CTNND2: variants seen among roughly 807,000 people sequenced by gnomAD.
The protein encoded by CTNND2 is catenin delta 2.
A neutral mutation model predicts 144.4 loss-of-function variants in CTNND2; 22 were observed. The observed-to-expected ratio is 0.15, with a 90% CI of 0.11 to 0.22. The LOEUF is 0.22. CTNND2 is among the 10% of genes least tolerant of loss of function. CTNND2 has a pLI of 1.00. For synonymous variants in CTNND2, 751 were observed against 695.6 expected, an observed-to-expected ratio of 1.08 and a Z score of -1.25; for missense variants, 1,353 against 1,618.8, an observed-to-expected ratio of 0.84 and a Z score of 2.82.
chr5:11,050,286 G>A (rs1246514267), intron 16 of CTNND2, among the ~76,000 whole-genome samples: 2 of 152,164 alleles, frequency 1.3e-5, no homozygotes, highest in South Asian at 2.1e-4. Flanking sequence ...TCAGGTCCCA[G>A]TGAAAAGAGG....
intron 1 of CTNND2, among the ~76,000 whole-genome samples, chr5:11,775,524 T>C (rs893402164): frequency 6.6e-6 from 1 of 152,220 alleles, no homozygotes; most frequent in Non-Finnish European, 1.5e-5. Context: ...TCACTTTATC[T>C]TGTCAAGGAT....
chr5:11,674,595 G>A (rs143688028), intron 2 of CTNND2, among the ~76,000 whole-genome samples: 3 of 152,340 alleles, frequency 2.0e-5, no homozygotes, highest in African/African-American at 7.2e-5. Flanking sequence ...TTGAAGAAAC[G>A]TATAACAACA....
At chr5:11,890,219 C>T (rs1736852209) in intron 1 of CTNND2, among the ~76,000 whole-genome samples, 1 of 152,110 alleles carries the variant, frequency 6.6e-6, no homozygotes, top group Non-Finnish European at 1.5e-5. Flanking sequence ...AGTTCTATTT[C>T]TTGGTTCTAT....
intron 3 of CTNND2, among the ~76,000 whole-genome samples, chr5:11,548,997 C>G (rs1014793745): frequency 6.6e-6 from 1 of 152,170 alleles, no homozygotes; most frequent in Non-Finnish European, 1.5e-5. Context: ...ATCCCTACCC[C>G]AAAAGGTAGT....
intron 11 of CTNND2, among the ~76,000 whole-genome samples, chr5:11,164,481 C>T (rs1359193139): frequency 6.6e-6 from 1 of 152,118 alleles, no homozygotes; most frequent in Non-Finnish European, 1.5e-5. Context: ...ATATTAAGGA[C>T]CTAGTACATG....
rs1365483923 is a variant in CTNND2 at position 11,384,829 on chromosome 5, T to C, written c.1013A>G (p.Gln338Arg). ...GATGGGCGAGGAGGAGATGGTGGAC[T>C]GCACGGTGGGGGGCGAGGTCACGCG... is the stretch of plus-strand genomic sequence containing the variant. ...PIRVTSPPTV[Q>R]STISSSPIHQ... is the part of the protein sequence containing the mutation. The change falls in exon 7 of 22, where the codon CAG becomes CGG. Residue 338 changes from glutamine to arginine, a missense_variant. Physicochemically the swap from Gln to Arg is conservative, Grantham distance 43 (BLOSUM62 1). This residue lies in a region of CTNND2 where 708 missense variants were observed against 706.4 expected (regional missense o/e 1.00). Coordinates refer to ENST00000304623, the MANE Select transcript of CTNND2 (RefSeq NM_001332.4). This position sits in a 1 kb window ranked among gnomAD's most constrained non-coding sequence, Gnocchi z 5.2. 2.5e-6 allele frequency: 4 copies of C among 1,613,050 alleles called. No homozygotes were observed. Among genetic ancestry groups the C allele is most frequent in the Non-Finnish European group, 3.4e-6 (4 of 1,179,646 alleles).
At chr5:11,888,525 G>C (rs1736725103) in intron 1 of CTNND2, among the ~76,000 whole-genome samples, 1 of 152,072 alleles carries the variant, frequency 6.6e-6, no homozygotes, top group South Asian at 2.1e-4. Context: ...TCTCTTATTT[G>C]TCAAGCCACC....
chr5:11,328,337 A>G (rs1364634283), intron 9 of CTNND2, among the ~76,000 whole-genome samples: 1 of 150,786 alleles, frequency 6.6e-6, no homozygotes, highest in African/African-American at 2.4e-5. Flanking sequence ...CTGTTGCCCA[A>G]GCTGGAGTGC....
intron 3 of CTNND2, among the ~76,000 whole-genome samples, chr5:11,543,605 T>C (rs534273293): frequency 6.6e-6 from 1 of 150,934 alleles, no homozygotes; most frequent in South Asian, 2.1e-4. Flanking sequence ...GTGAATTGCA[T>C]GGCATATACA....
intron 2 of CTNND2, among the ~76,000 whole-genome samples, chr5:11,661,986 TAC>T (rs760846897): frequency 4.6e-5 from 7 of 150,674 alleles, no homozygotes; most frequent in Admixed American, 6.6e-5. Context: ...CATGTATATA[TAC>T]ACACACACAC....
chr5:11,773,887 A>AT (rs1790092615), intron 1 of CTNND2, among the ~76,000 whole-genome samples: 1 of 151,532 alleles, frequency 6.6e-6, no homozygotes, highest in Non-Finnish European at 1.5e-5. Flanking sequence ...ATCATCATGT[A>AT]TTAATAGAAG....
chr5:11,231,227 T>A (rs189289887), intron 10 of CTNND2, among the ~76,000 whole-genome samples: 132 of 152,284 alleles, frequency 8.7e-4, no homozygotes, highest in African/African-American at 2.8e-3. Flanking sequence ...CCTCTTTTTT[T>A]AATAAATAAC....
At chr5:11,662,245 A>G in intron 2 of CTNND2, among the ~76,000 whole-genome samples, 1 of 133,708 alleles carries the variant, frequency 7.5e-6, no homozygotes, top group South Asian at 2.2e-4. Flanking sequence ...ATATATATAC[A>G]TATATGTGTG....
intron 10 of CTNND2, among the ~76,000 whole-genome samples, chr5:11,214,060 T>C (rs1430435617): frequency 1.3e-5 from 2 of 152,164 alleles, no homozygotes; most frequent in East Asian, 1.9e-4. Context: ...CTGTAGGTAC[T>C]CTCCTTTCCA....
intron 1 of CTNND2, among the ~76,000 whole-genome samples, chr5:11,762,225 T>C (rs1789306026): frequency 6.6e-6 from 1 of 152,120 alleles, no homozygotes; most frequent in Non-Finnish European, 1.5e-5. Flanking sequence ...GTAACCCTTG[T>C]GCAGCACAAG....
At chr5:11,084,074 GTA>G in intron 15 of CTNND2, 8 of 513,416 alleles carry the variant, frequency 1.6e-5, no homozygotes, top group Non-Finnish European at 2.0e-5. Flanking sequence ...CCTCTACTTT[GTA>G]TCTCAAGCTC....
intron 2 of CTNND2, among the ~76,000 whole-genome samples, chr5:11,631,401 CTTA>C (rs1351918294): frequency 6.6e-6 from 1 of 152,120 alleles, no homozygotes; most frequent in Non-Finnish European, 1.5e-5. Context: ...TAAAAATTTT[CTTA>C]TTATTTGGTA....
At chr5:11,578,437 C>T (rs1330792065) in intron 2 of CTNND2, among the ~76,000 whole-genome samples, 1 of 151,842 alleles carries the variant, frequency 6.6e-6, no homozygotes, top group African/African-American at 2.4e-5. Context: ...CTGAGAAGGG[C>T]AGATCACGAG....
intron 2 of CTNND2, among the ~76,000 whole-genome samples, chr5:11,604,571 C>T (rs899684571): frequency 1.3e-5 from 2 of 152,140 alleles, no homozygotes; most frequent in Middle Eastern, 3.2e-3. Flanking sequence ...GTCCCCTTGC[C>T]TTTGTGTATA....
Sources: gnomAD v4.1 joint callset for allele counts (sites outside exome capture counted in the v4.1 genomes callset) on GRCh38, gnomAD v4.1.1 for gene constraint, gnomAD v4.1.1 regional missense constraint, Gnocchi (gnomAD v3.1) non-coding constraint, MANE v1.5 for transcripts, NCBI Gene and HGNC (gene_info 2026-07-23, HGNC 2026-07-21) for gene names.